The following SYNE2 variants were observed in gnomAD, a reference collection of about 807,000 sequenced individuals.
The protein encoded by SYNE2 is spectrin repeat containing nuclear envelope protein 2.
In SYNE2, 431 loss-of-function variants were observed where a neutral mutation model predicts 856.3. The observed-to-expected ratio is 0.50, with a 90% CI of 0.47 to 0.55. The LOEUF (loss-of-function observed/expected upper bound fraction) is 0.55. Ranked by LOEUF, SYNE2 falls within the 20% of genes least tolerant of loss-of-function variation. SYNE2 has a pLI of 0.00. For missense variants in SYNE2, 8,129 were observed against 8,023.2 expected (o/e 1.01, Z -0.50); for synonymous variants, 2,923 against 2,872.3 (o/e 1.02, Z -0.56).
chr14:64,097,571 G>A (rs1188062707), intron 61 of SYNE2, among the ~76,000 whole-genome samples: 1 of 152,230 alleles, frequency 6.6e-6, no homozygotes, highest in Non-Finnish European at 1.5e-5. Flanking sequence ...TGCAGACTCC[G>A]GGGCCCTGCC....
intron 6 of SYNE2, among the ~76,000 whole-genome samples, chr14:63,947,498 T>C (rs917944963): frequency 5.9e-5 from 9 of 152,218 alleles, no homozygotes; most frequent in Admixed American, 6.5e-5. Context: ...AATCAAAATT[T>C]ACTTTTTTCA....
chr14:63,974,213 G>T (rs532697943), intron 11 of SYNE2, among the ~76,000 whole-genome samples: 2 of 152,316 alleles, frequency 1.3e-5, no homozygotes, highest in Admixed American at 1.3e-4. Flanking sequence ...ATTTGTGATT[G>T]ATCTTCATAT....
chr14:64,152,477 T>G, intron 84 of SYNE2, 87 bp from the exon 85 acceptor site: 1 of 1,348,896 alleles, frequency 7.4e-7, no homozygotes, highest in Non-Finnish European at 1.0e-6. Flanking sequence ...ACATTTTTAC[T>G]TGAAAAGAGT....
intron 45 of SYNE2, among the ~76,000 whole-genome samples, chr14:64,032,718 A>G (rs2097050218): frequency 6.6e-6 from 1 of 152,126 alleles, no homozygotes; most frequent in South Asian, 2.1e-4. Flanking sequence ...GATTACAGGC[A>G]TGTGCCACCA....
chr14:64,151,915 G>A (rs2153703880), intron 84 of SYNE2, among the ~76,000 whole-genome samples: 1 of 152,340 alleles, frequency 6.6e-6, no homozygotes, highest in Non-Finnish European at 1.5e-5. Context: ...CTTCCTCTGA[G>A]TAGAGTGGCA....
chr14:64,143,994 AAC>A, intron 83 of SYNE2, 46 bp downstream of exon 83: 6 of 1,610,904 alleles, frequency 3.7e-6, no homozygotes, highest in Non-Finnish European at 5.1e-6. Flanking sequence ...ACCTTTATGA[AAC>A]ACACTTTCTG....
Position 64,122,362 on chromosome 14 carries a change from C to T in SYNE2, c.13357C>T (p.Gln4453Ter). Residue 4453 changes from glutamine (Q) to a stop codon, truncating the protein, a stop_gained, in exon 70 of 116, where the codon CAA becomes TAA. Transcript: ENST00000555002. LOFTEE classifies it high-confidence loss of function. ...CCAGGGCCAAAATGGAGATAAGTGGCAATATCTGCATCATGAACTCTCATC... is the reference window on the plus strand; with the variant it reads ...CCAGGGCCAAAATGGAGATAAGTGGTAATATCTGCATCATGAACTCTCATC... ...SPQGQNGDKWQYLHHELSSKI... is the reference protein window; with the variant it reads ...SPQGQNGDKW 6.2e-7 allele frequency: 1 copy of T among 1,614,154 alleles called. No homozygotes were observed. Among genetic ancestry groups the T allele is most frequent in the Non-Finnish European group, 8.5e-7 (1 of 1,180,012 alleles).
rs1430637667 is a variant in SYNE2 at position 64,123,006 on chromosome 14, G to A, written c.13422+579G>A. Among the ~76,000 whole-genome samples, 3 of 151,906 alleles carry A rather than the reference G, an allele frequency of 2.0e-5. No individual in the cohort carries two copies. In the East Asian group the frequency reaches 5.8e-4, roughly 29 times the overall value. ...CCCAGCTACTCAGGAGGCTGAGGCA[G>A]GAGAATTGCTTGAACCTGGGAGGCG... On this transcript the variant is annotated intron_variant, in intron 70 of 115. Transcript: ENST00000555002.
chr14:64,095,234 G>A (rs960846788), intron 61 of SYNE2: 1 of 165,304 alleles, frequency 6.0e-6, no homozygotes, highest in Non-Finnish European at 1.5e-5. Flanking sequence ...GAAGATGGAG[G>A]AATATTTTAA....
intron 10 of SYNE2, among the ~76,000 whole-genome samples, chr14:63,966,725 A>T (rs1476223122): frequency 1.3e-5 from 2 of 151,394 alleles, no homozygotes; most frequent in Non-Finnish European, 2.9e-5. Flanking sequence ...TGCCTAGCTA[A>T]TTTTTTGTAT....
chr14:63,915,104 G>A (rs369913208), intron 2 of SYNE2, among the ~76,000 whole-genome samples: 5 of 152,278 alleles, frequency 3.3e-5, no homozygotes, highest in Admixed American at 6.5e-5. Flanking sequence ...TATGAGGCAA[G>A]ATAGCATCAA....
chr14:63,774,469 A>T (rs1595097596), intron 1 of SYNE2, among the ~76,000 whole-genome samples: 2 of 31,054 alleles, frequency 6.4e-5, no homozygotes, highest in Non-Finnish European at 2.0e-4. Context: ...ACTCCGTCTC[A>T]AAAAAAAAAA....
At position 64,051,579 on chromosome 14, in the gene SYNE2, T is replaced by C; in HGVS notation, c.7666T>C (p.Tyr2556His). Residue 2556 changes from tyrosine to histidine, a missense_variant, in exon 48 of 116, where the codon TAT (tyrosine) becomes CAT (histidine). Physicochemically the swap from Tyr to His is moderately conservative, Grantham distance 83 (BLOSUM62 2). This residue lies in a region of SYNE2 where 5,410 missense variants were observed against 5,284.8 expected (regional missense o/e 1.02). Transcript: ENST00000555002. ...TAGAGGACCACTGGACAGTGTAACGTATCTGGACAAAATTAAAAAATTCAT... is the reference window on the plus strand; with the variant it reads ...TAGAGGACCACTGGACAGTGTAACGCATCTGGACAAAATTAAAAAATTCAT... Reference protein sequence around the residue: ...LKVGPLDSVTYLDKIKKFIAS... With the variant: ...LKVGPLDSVTHLDKIKKFIAS... 6.2e-7 allele frequency: 1 copy of C among 1,613,562 alleles called. No homozygotes were observed. The highest frequency in any genetic ancestry group is 8.5e-7 in the Non-Finnish European group (1 of 1,179,850).
chr14:64,126,529 G>A (rs1567380117), intron 72 of SYNE2, 50 bp downstream of exon 72: 1 of 1,614,148 alleles, frequency 6.2e-7, no homozygotes, highest in Non-Finnish European at 8.5e-7. Flanking sequence ...GCAGCCCCGT[G>A]AGTTAAGCCC....
intron 99 of SYNE2, among the ~76,000 whole-genome samples, chr14:64,193,068 C>G (rs942109710): frequency 6.6e-6 from 1 of 152,140 alleles, no homozygotes; most frequent in Admixed American, 6.5e-5. Context: ...GGGCCTTGTA[C>G]AAAGGAAGGG....
chr14:64,115,435 G>A (rs765876894), intron 66 of SYNE2, among the ~76,000 whole-genome samples: 1 of 152,174 alleles, frequency 6.6e-6, no homozygotes, highest in Admixed American at 6.5e-5. Flanking sequence ...GAACTTATGT[G>A]TCTAGCGATG....
At chr14:64,043,355 C>T (rs2097162542) in intron 45 of SYNE2, among the ~76,000 whole-genome samples, 3 of 152,118 alleles carry the variant, frequency 2.0e-5, no homozygotes, top group African/African-American at 4.8e-5. Context: ...AACCCATTTT[C>T]TGAGGAGAAA....
Position 63,976,674 on chromosome 14 carries a change from C to A in SYNE2, c.1240C>A (p.Gln414Lys). The A allele has an allele frequency of 1.2e-6, 2 of 1,612,644 alleles. No individual in the cohort carries two copies. Among genetic ancestry groups the A allele is most frequent in the Non-Finnish European group, 1.7e-6 (2 of 1,179,800 alleles). ...TATGGATGAAGATTTGTCAGCCTCC[C>A]AGGATCACTCTCAAGCCGTGACTCT... The part of the protein sequence containing the change: ...ELMDEDLSAS[Q>K]DHSQAVTLIQ... Residue 414 changes from glutamine (Q) to lysine (K), a missense_variant, in exon 12 of 116, where the codon CAG (glutamine) becomes AAG (lysine). Gln to Lys is a moderately conservative substitution (Grantham distance 53, BLOSUM62 1). This residue lies in a region of SYNE2 where 2,422 missense variants were observed against 2,357.4 expected (regional missense o/e 1.03). Coordinates refer to ENST00000555002, the MANE Select transcript of SYNE2 (RefSeq NM_182914.3).
At chr14:64,170,195 G>A in intron 93 of SYNE2, 33 bp from the exon 94 acceptor site, 7 of 1,602,906 alleles carry the variant, frequency 4.4e-6, no homozygotes, top group Non-Finnish European at 6.0e-6. Context: ...ACATGTCGAT[G>A]TCTGGATTCT....
Sources: gnomAD v4.1 joint callset for allele counts (sites outside exome capture counted in the v4.1 genomes callset) on GRCh38, gnomAD v4.1.1 for gene constraint, gnomAD v4.1.1 regional missense constraint, MANE v1.5 for transcripts, NCBI Gene and HGNC (gene_info 2026-07-23, HGNC 2026-07-21) for gene names.